Variants in TEC observed in about 807,000 individuals in gnomAD.
TEC encodes tec protein tyrosine kinase, also known as tyrosine-protein kinase Tec.
TEC carries 72 observed loss-of-function variants against 93.0 expected under a neutral mutation model. The observed-to-expected ratio is 0.77, with a 90% CI of 0.64 to 0.94. The LOEUF (loss-of-function observed/expected upper bound fraction) is 0.94. TEC is among the 40% of genes least tolerant of loss of function. The pLI is 0.00. For missense variants in TEC, 630 were observed against 757.9 expected (o/e 0.83, Z 1.98); for synonymous variants, 249 against 247.7 (o/e 1.01, Z -0.05).
At chr4:48,198,460 C>T (rs924049791) in intron 2 of TEC, among the ~76,000 whole-genome samples, 3 of 152,234 alleles carry the variant, frequency 2.0e-5, no homozygotes, top group Non-Finnish European at 2.9e-5. Flanking sequence ...GACAGGGTTG[C>T]TAGCCAACCT....
intron 1 of TEC, among the ~76,000 whole-genome samples, chr4:48,240,734 TCAGG>T (rs1250309327): frequency 5.3e-5 from 8 of 151,834 alleles, no homozygotes; most frequent in Non-Finnish European, 8.8e-5. Flanking sequence ...CAGTGGGCAG[TCAGG>T]CAAAGTGAGT....
In TEC at chr4:48,170,202, G is replaced by A. The variant is rs536307855; in HGVS notation, c.454+46C>T. 105 of 1,457,582 alleles carry A rather than the reference G, an allele frequency of 7.2e-5. 1 individual carries two copies. Among genetic ancestry groups the A allele is most frequent in the South Asian group, 4.5e-4 (36 of 80,714 alleles). 90.3% of individuals were successfully genotyped at this position (1,457,582 alleles called of 1,614,324 possible). ...CACTTTCTTACCATACCAATAATAC[G>A]TTCATTCTAAGCACAATATAATTAT... is the stretch of plus-strand genomic sequence containing the variant. On this transcript the variant is annotated intron_variant, in intron 5 of 17. Coordinates refer to ENST00000381501, the MANE Select transcript of TEC (RefSeq NM_003215.3).
intron 8 of TEC, among the ~76,000 whole-genome samples, chr4:48,159,175 C>A (rs1191581059): frequency 6.6e-6 from 1 of 151,896 alleles, no homozygotes; most frequent in Non-Finnish European, 1.5e-5. Flanking sequence ...ATACCACACA[C>A]CTCTATAAAG....
intron 1 of TEC, among the ~76,000 whole-genome samples, chr4:48,232,017 G>T (rs545281755): frequency 6.6e-6 from 1 of 152,260 alleles, no homozygotes; most frequent in African/African-American, 2.4e-5. Context: ...GTCCATGTGC[G>T]GTGGCTCATG....
Position 48,137,903 on chromosome 4 carries a change from C to T in TEC, c.1813-404G>A, listed in dbSNP as rs182504563. 2.5e-3 allele frequency among the ~76,000 whole-genome samples: 376 copies of T among 152,226 alleles called. 3 individuals are homozygous for T. The highest frequency in any genetic ancestry group is 6.7e-3 in the Admixed American group (102 of 15,294). Reference sequence around the variant, plus strand: ...CTGTTGTGCACACTGTGTTTATAACCACCTCCTTACCTTTGCTCAAGCTGT... The same window carrying T: ...CTGTTGTGCACACTGTGTTTATAACTACCTCCTTACCTTTGCTCAAGCTGT... On this transcript the variant is annotated intron_variant, in intron 17 of 17. Transcript: ENST00000381501.
At chr4:48,192,426 T>C (rs530901844) in intron 2 of TEC, among the ~76,000 whole-genome samples, 3 of 152,184 alleles carry the variant, frequency 2.0e-5, no homozygotes, top group Non-Finnish European at 4.4e-5. Context: ...GTTTCAGTTG[T>C]TGTAGTGACG....
chr4:48,191,910 GC>G (rs1722105199), intron 2 of TEC, among the ~76,000 whole-genome samples: 1 of 152,180 alleles, frequency 6.6e-6, no homozygotes, highest in Admixed American at 6.5e-5. Flanking sequence ...CTGCACTCCA[GC>G]CTGGGTGACA....
At position 48,199,455 on chromosome 4, in the gene TEC, C is replaced by CTTTTTTTTTTTTT. The variant is rs34965891; in HGVS notation, c.139-23282_139-23270dup. ...CTGGGCTACAGAAAGGATTTTCTTTCTTTTTTTTTTTTTTTTTTTTTTTTT... is the reference window on the plus strand; with the variant it reads ...CTGGGCTACAGAAAGGATTTTCTTTCTTTTTTTTTTTTTTTTTTTTTTTTTTTTTTTTTTTTTT... On this transcript the variant is annotated intron_variant, in intron 2 of 17. Transcript: ENST00000381501. Among the ~76,000 whole-genome samples the CTTTTTTTTTTTTT allele has an allele frequency of 2.5e-3, 167 of 67,362 alleles. 7 individuals are homozygous for CTTTTTTTTTTTTT. Among genetic ancestry groups the CTTTTTTTTTTTTT allele is most frequent in the Non-Finnish European group, 3.0e-3 (117 of 38,664 alleles). 44.2% of individuals were successfully genotyped at this position (67,362 alleles called of 152,430 possible).
At chr4:48,210,129 G>T (rs1722850884) in intron 2 of TEC, among the ~76,000 whole-genome samples, 1 of 152,178 alleles carries the variant, frequency 6.6e-6, no homozygotes. Flanking sequence ...CTATGGAATT[G>T]AAAGAGCCTA....
At position 48,211,654 on chromosome 4, in the gene TEC, G is replaced by T. The variant is rs117296871; in HGVS notation, c.138+16823C>A. On this transcript the variant is annotated intron_variant, in intron 2 of 17. Transcript: ENST00000381501. The stretch of plus-strand genomic sequence containing the variant: ...TTTCTCTGCTGTTGAGATAGACAAT[G>T]AACGTGAATAAATTCATCTTTGAGT... Among the ~76,000 whole-genome samples, 5 of 152,286 alleles carry T rather than the reference G, an allele frequency of 3.3e-5. No individual in the cohort carries two copies. In the East Asian group the frequency reaches 9.7e-4, roughly 29 times the overall value.
chr4:48,213,263 A>T (rs760181314), intron 2 of TEC, among the ~76,000 whole-genome samples: 3 of 152,186 alleles, frequency 2.0e-5, no homozygotes, highest in Non-Finnish European at 4.4e-5. Flanking sequence ...TACTCGTTTA[A>T]TTTTATTTAA....
chr4:48,221,903 T>C (rs1401201263), intron 2 of TEC, among the ~76,000 whole-genome samples: 1 of 152,200 alleles, frequency 6.6e-6, no homozygotes. Context: ...AAATGTATAT[T>C]TCTTATTATA....
intron 1 of TEC, 147 bp from the exon 2 acceptor site, chr4:48,228,806 C>A: frequency 5.5e-6 from 3 of 548,820 alleles, no homozygotes; most frequent in Non-Finnish European, 6.0e-6. Flanking sequence ...ATGCCTGGGG[C>A]ACAAAAATTC....
intron 2 of TEC, among the ~76,000 whole-genome samples, chr4:48,194,027 A>G (rs1432652727): frequency 6.6e-6 from 1 of 152,148 alleles, no homozygotes; most frequent in African/African-American, 2.4e-5. Context: ...ACTGCAGCCC[A>G]AGGGGGAACA....
At chr4:48,184,952 T>C (rs899007795) in intron 2 of TEC, among the ~76,000 whole-genome samples, 7 of 152,182 alleles carry the variant, frequency 4.6e-5, no homozygotes, top group Admixed American at 3.3e-4. Context: ...GTTTGTGAAC[T>C]TGGTTTAGTC....
intron 1 of TEC, among the ~76,000 whole-genome samples, chr4:48,247,308 G>A (rs1724080910): frequency 6.6e-6 from 1 of 152,204 alleles, no homozygotes; most frequent in Non-Finnish European, 1.5e-5. Context: ...AAATGGTACA[G>A]GCACTGTGAA....
chr4:48,172,863 C>A (rs1469599151), intron 3 of TEC, among the ~76,000 whole-genome samples: 1 of 152,190 alleles, frequency 6.6e-6, no homozygotes. Context: ...ACACAACCAA[C>A]TCTGTACAGA....
chr4:48,145,149 A>G lies in TEC; in HGVS notation c.1400T>C (p.Leu467Pro). Residue 467 changes from leucine to proline, a missense_variant, in exon 14 of 18, where the codon CTG (leucine) becomes CCG (proline). Leu to Pro is a moderately conservative substitution (Grantham distance 98). Transcript: ENST00000381501. ...RQGHFSRDVL[L>P]SMCQDVCEGM... The stretch of plus-strand genomic sequence containing the variant: ...TTCACACACATCCTGACACATGCTC[A>G]GCAGTACGTCTCTACTGAAATGACC... 1 of 1,614,108 alleles carries G rather than the reference A, an allele frequency of 6.2e-7. No individual in the cohort carries two copies. The highest frequency in any genetic ancestry group is 1.1e-5 in the South Asian group (1 of 91,074).
rs377589211 is a variant in TEC, at chr4:48,163,786, C to G, written c.672-19G>C. 1.2e-5 allele frequency: 17 copies of G among 1,367,500 alleles called. No homozygotes were observed. The African/African-American group carries it at 2.2e-4, about 18-fold the overall frequency. The allele number at this position is 1,367,500 out of a possible 1,614,324, so 84.7% of individuals were successfully genotyped here. ...TTCATTCCTAGAAATAAGAAAAATA[C>G]TTTAGGTAAACTTACTTTACTGGGA... On this transcript the variant is annotated intron_variant, in intron 7 of 17. Coordinates refer to ENST00000381501, the MANE Select transcript of TEC (RefSeq NM_003215.3).
Sources: allele counts gnomAD v4.1 joint callset (sites outside exome capture counted in the v4.1 genomes callset), GRCh38; gene constraint gnomAD v4.1.1; transcripts MANE v1.5; gene names NCBI Gene and HGNC (gene_info 2026-07-23, HGNC 2026-07-21).